NRG1: variants seen among roughly 807,000 people sequenced by gnomAD.
NRG1 encodes pro-neuregulin-1, membrane-bound isoform.
NRG1 carries 18 observed loss-of-function variants against 63.8 expected under a neutral mutation model. The ratio of observed to expected loss-of-function variants is 0.28; its 90% confidence interval spans 0.19 to 0.42. The LOEUF (loss-of-function observed/expected upper bound fraction) is 0.42, where lower values mean the gene tolerates loss of function less well. Ranked by LOEUF, NRG1 falls within the 10% of genes least tolerant of loss-of-function variation. The pLI is 1.00. For missense variants in NRG1, 762 were observed against 814.7 expected (o/e 0.94, Z 0.79); for synonymous variants, 302 against 301.3 (o/e 1.00, Z -0.02).
At chr8:32,326,159 G>A (rs1375596538) in intron 1 of NRG1, among the ~76,000 whole-genome samples, 1 of 151,926 alleles carries the variant, frequency 6.6e-6, no homozygotes, top group Non-Finnish European at 1.5e-5. Context: ...ACAGGCGCAC[G>A]CCACCATGCC....
At chr8:32,493,831 G>A (rs1193947899) in intron 1 of NRG1, among the ~76,000 whole-genome samples, 1 of 152,060 alleles carries the variant, frequency 6.6e-6, no homozygotes, top group Non-Finnish European at 1.5e-5. Context: ...GGTTTGGGTT[G>A]GATAATCCCA....
intron 1 of NRG1, among the ~76,000 whole-genome samples, chr8:31,871,122 A>T (rs1262615152): frequency 3.3e-5 from 5 of 151,552 alleles, no homozygotes; most frequent in African/African-American, 1.2e-4. Context: ...GATTACAGGT[A>T]CGTGCCACCA....
At chr8:31,735,004 C>G (rs1814513223) in intron 1 of NRG1, among the ~76,000 whole-genome samples, 1 of 152,056 alleles carries the variant, frequency 6.6e-6, no homozygotes, top group Non-Finnish European at 1.5e-5. Context: ...TCATGGACAC[C>G]TGGACACAGG....
intron 1 of NRG1, among the ~76,000 whole-genome samples, chr8:32,122,442 A>G (rs546441352): frequency 2.6e-5 from 4 of 152,086 alleles, no homozygotes; most frequent in African/African-American, 7.2e-5. Context: ...TAGTCTCCCC[A>G]ATATATTCAC....
chr8:32,367,090 A>G (rs1183116181), intron 1 of NRG1, among the ~76,000 whole-genome samples: 1 of 152,194 alleles, frequency 6.6e-6, no homozygotes, highest in African/African-American at 2.4e-5. Context: ...ATAGTGCTGC[A>G]GTAAACATGG....
intron 1 of NRG1, among the ~76,000 whole-genome samples, chr8:32,532,355 T>C (rs1419395354): frequency 3.9e-5 from 6 of 152,190 alleles, no homozygotes; most frequent in Non-Finnish European, 8.8e-5. Context: ...CAAAATACTT[T>C]TTTCCAAAAC....
chr8:32,658,582 A>G (rs1005520319), intron 5 of NRG1, among the ~76,000 whole-genome samples: 5 of 151,052 alleles, frequency 3.3e-5, no homozygotes, highest in African/African-American at 1.2e-4. Flanking sequence ...GCTTTAAGCC[A>G]CCTTAGAGAC....
chr8:31,883,643 T>A (rs984468046), intron 1 of NRG1, among the ~76,000 whole-genome samples: 8 of 152,062 alleles, frequency 5.3e-5, no homozygotes, highest in African/African-American at 1.9e-4. Context: ...TTTCAGCAAG[T>A]AGTAAGGGAG....
chr8:31,954,073 G>GA (rs139696156), intron 1 of NRG1, among the ~76,000 whole-genome samples: 49 of 150,454 alleles, frequency 3.3e-4, no homozygotes, highest in Middle Eastern at 3.4e-3. Flanking sequence ...ATCAAATTAG[G>GA]AAAAAAAAAT....
chr8:32,715,678 GC>G (rs1301794362), intron 5 of NRG1, among the ~76,000 whole-genome samples: 1 of 144,374 alleles, frequency 6.9e-6, no homozygotes, highest in Non-Finnish European at 1.5e-5. Flanking sequence ...TTGCTCTGTC[GC>G]CCAGGCTGGA....
intron 1 of NRG1, among the ~76,000 whole-genome samples, chr8:32,414,517 C>T (rs1815580519): frequency 3.9e-5 from 6 of 152,102 alleles, no homozygotes; most frequent in South Asian, 2.1e-4. Flanking sequence ...ACAAGACAGC[C>T]GTCCGTGTCA....
At chr8:32,527,138 G>A (rs1487526460) in intron 1 of NRG1, among the ~76,000 whole-genome samples, 1 of 151,998 alleles carries the variant, frequency 6.6e-6, no homozygotes, top group Non-Finnish European at 1.5e-5. Flanking sequence ...CCCACTACTT[G>A]GCATCTACTC....
At chr8:31,903,105 T>C (rs947660103) in intron 1 of NRG1, among the ~76,000 whole-genome samples, 5 of 151,124 alleles carry the variant, frequency 3.3e-5, no homozygotes, top group Admixed American at 2.6e-4. Flanking sequence ...TTGCAAAATG[T>C]GAGTGAAGGA....
intron 1 of NRG1, among the ~76,000 whole-genome samples, chr8:32,271,985 C>T (rs1851599437): frequency 6.6e-6 from 1 of 152,192 alleles, no homozygotes; most frequent in Admixed American, 6.5e-5. Flanking sequence ...CCCCAACAGC[C>T]TACCTTGGTG....
intron 1 of NRG1, among the ~76,000 whole-genome samples, chr8:32,459,949 G>A (rs551598355): frequency 4.1e-4 from 62 of 152,312 alleles, no homozygotes; most frequent in East Asian, 1.2e-3. Flanking sequence ...TCAGGCTGGT[G>A]TTGGTAGCAG....
chr8:31,718,015 CT>C (rs1812533156), intron 1 of NRG1, among the ~76,000 whole-genome samples: 8 of 152,098 alleles, frequency 5.3e-5, no homozygotes, highest in Admixed American at 5.2e-4. Flanking sequence ...CATGTTTGAT[CT>C]TTTTCTATCA....
chr8:32,349,239 G>A (rs917037784), intron 1 of NRG1, among the ~76,000 whole-genome samples: 11 of 152,148 alleles, frequency 7.2e-5, no homozygotes, highest in Non-Finnish European at 1.5e-4. Flanking sequence ...TCTTTAAATG[G>A]GGCTGCGCTG....
intron 1 of NRG1, among the ~76,000 whole-genome samples, chr8:32,299,025 CAAAAA>C (rs34799826): frequency 3.4e-5 from 2 of 59,576 alleles, no homozygotes; most frequent in Admixed American, 2.0e-4. Context: ...GACTCTATCT[CAAAAA>C]AAAAAAAAAA....
intron 1 of NRG1, among the ~76,000 whole-genome samples, chr8:32,561,022 G>A (rs1836292157): frequency 6.6e-6 from 1 of 152,112 alleles, no homozygotes; most frequent in Non-Finnish European, 1.5e-5. Flanking sequence ...ATCATAGAGT[G>A]TTAGAACTGA....
Sources: allele counts gnomAD v4.1 joint callset (sites outside exome capture counted in the v4.1 genomes callset), GRCh38; gene constraint gnomAD v4.1.1; transcripts MANE v1.5; gene names NCBI Gene and HGNC (gene_info 2026-07-23, HGNC 2026-07-21).